Variants in KANSL3 observed in about 807,000 individuals in gnomAD.
The protein encoded by KANSL3 is KAT8 regulatory NSL complex subunit 3, also known as NSL complex protein NSL3.
Under a neutral mutation model 89.2 loss-of-function variants are expected in KANSL3, and 16 were observed. The observed-to-expected ratio is 0.18, with a 90% CI of 0.12 to 0.27. KANSL3 has a LOEUF of 0.27. KANSL3 is among the 10% of genes least tolerant of loss of function. The pLI is 1.00. For missense variants in KANSL3, 879 were observed against 1,110.6 expected (o/e 0.79, Z 2.96); for synonymous variants, 385 against 419.7 (o/e 0.92, Z 1.01).
chr2:96,624,571 G>C lies in KANSL3; in HGVS notation c.387-4809C>G, dbSNP rs143716948. ...CAGTCTTGCTCTGTCGTCCAGGCTG[G>C]AGCGCAATGGCGTGATCTCGGCTCA... is the stretch of plus-strand genomic sequence containing the variant. On this transcript the variant is annotated intron_variant, in intron 3 of 20. Coordinates refer to ENST00000431828, the MANE Select transcript of KANSL3 (RefSeq NM_001115016.3). 1.2e-4 allele frequency among the ~76,000 whole-genome samples: 18 copies of C among 152,226 alleles called. No homozygotes were observed. The East Asian group carries it at 3.3e-3, about 28-fold the overall frequency.
Position 96,617,510 on chromosome 2 carries a change from C to G in KANSL3, c.663+1849G>C, listed in dbSNP as rs1347636219. ...GGGAACGTGTTGGCCAGGCAACTTA[C>G]AGCAGCAAGATGAGCCAGCTTCCTG... On this transcript the variant is annotated intron_variant, in intron 5 of 20. Transcript: ENST00000431828. 2.0e-5 allele frequency among the ~76,000 whole-genome samples: 3 copies of G among 148,560 alleles called. No individual in the cohort carries two copies. The East Asian group carries it at 5.9e-4, about 29-fold the overall frequency.
At chr2:96,611,903 ATGTGTG>A (rs59217274) in intron 9 of KANSL3, among the ~76,000 whole-genome samples, 13 of 113,328 alleles carry the variant, frequency 1.1e-4, no homozygotes, top group South Asian at 3.5e-4. Context: ...ATATACCCAT[ATGTGTG>A]TGTGTGTGTG....
downstream of KANSL3, among the ~76,000 whole-genome samples, chr2:96,590,439 C>T (rs1035210824): frequency 6.6e-6 from 1 of 151,738 alleles, no homozygotes; most frequent in Non-Finnish European, 1.5e-5. Context: ...ACTACAGGTG[C>T]GCGGCATGAC....
Position 96,608,557 on chromosome 2 carries a change from C to T in KANSL3, c.1692G>A (p.Lys564=). 6.2e-7 allele frequency: 1 copy of T among 1,614,066 alleles called. No homozygotes were observed. Among genetic ancestry groups the T allele is most frequent in the Non-Finnish European group, 8.5e-7 (1 of 1,179,908 alleles). The change falls in exon 14 of 21, where the codon AAG becomes AAA. Residue 564 remains lysine (K), a synonymous_variant. Coordinates refer to ENST00000431828, the MANE Select transcript of KANSL3 (RefSeq NM_001115016.3). ...CAGCTTCTGTCCGCTGCACATGTCT[C>T]TTCAGCAGCTGAGAACTTCCAATCT... ...SSQIGSSQLL[K]RHVQRTEAVL...
rs1379900654 is a variant in KANSL3, at chr2:96,595,534, G to A, written c.*77C>T. Reference sequence around the variant, plus strand: ...CTTCCGACACGTGGACAGCTCAGCAGGACCACACACCTGTCCAGGGCCCAC... The same window carrying A: ...CTTCCGACACGTGGACAGCTCAGCAAGACCACACACCTGTCCAGGGCCCAC... On this transcript the variant is annotated 3_prime_UTR_variant, in exon 21 of 21. Coordinates refer to ENST00000431828, the MANE Select transcript of KANSL3 (RefSeq NM_001115016.3). 3.9e-6 allele frequency: 6 copies of A among 1,530,502 alleles called. No individual in the cohort carries two copies. Among genetic ancestry groups the A allele is most frequent in the East Asian group, 2.3e-5 (1 of 44,256 alleles). 94.8% of individuals were successfully genotyped at this position (1,530,502 alleles called of 1,614,324 possible).
chr2:96,635,031 ATT>A (rs2074051874), intron 2 of KANSL3, among the ~76,000 whole-genome samples: 1 of 152,032 alleles, frequency 6.6e-6, no homozygotes, highest in Admixed American at 6.6e-5. Flanking sequence ...AGTCATCTAT[ATT>A]TCTCCATTTG....
At chr2:96,583,227 G>C in the KANSL3 span, among the ~76,000 whole-genome samples, 2 of 152,202 alleles carry the variant, frequency 1.3e-5, no homozygotes, top group Admixed American at 1.3e-4. Flanking sequence ...CTCTCCAGCA[G>C]CTTATGGGAA....
chr2:96,630,661 G>A (rs2073222241), intron 3 of KANSL3, among the ~76,000 whole-genome samples: 1 of 152,154 alleles, frequency 6.6e-6, no homozygotes, highest in African/African-American at 2.4e-5. Flanking sequence ...TTAAATAGCT[G>A]AATTGTATGG....
chr2:96,635,812 G>A (rs531824484), intron 2 of KANSL3, among the ~76,000 whole-genome samples: 1 of 152,072 alleles, frequency 6.6e-6, no homozygotes, highest in Non-Finnish European at 1.5e-5. Context: ...AACATGGTGG[G>A]TGGAAACCCT....
intron 14 of KANSL3, chr2:96,606,738 A>C: frequency 3.6e-6 from 1 of 280,796 alleles, no homozygotes; most frequent in South Asian, 3.1e-5. Context: ...AGAAAGAACC[A>C]CACTAAGAGA....
chr2:96,590,110 T>C (rs1573220871), downstream of KANSL3, among the ~76,000 whole-genome samples: 1 of 152,004 alleles, frequency 6.6e-6, no homozygotes, highest in Non-Finnish European at 1.5e-5. Flanking sequence ...TGAGCCAAGA[T>C]TGCGCATTGC....
chr2:96,588,747 C>T (rs375174102), downstream of KANSL3, among the ~76,000 whole-genome samples: 20 of 152,196 alleles, frequency 1.3e-4, no homozygotes, highest in South Asian at 4.1e-3. Context: ...CCCACCACCA[C>T]ACCCAGCTAA....
chr2:96,587,760 A>T, the KANSL3 span, among the ~76,000 whole-genome samples: 1 of 152,244 alleles, frequency 6.6e-6, no homozygotes, highest in Non-Finnish European at 1.5e-5. Context: ...AAAATGCTGC[A>T]ATGAGCAATA....
At chr2:96,624,248 A>C (rs1480996417) in intron 3 of KANSL3, among the ~76,000 whole-genome samples, 1 of 152,236 alleles carries the variant, frequency 6.6e-6, no homozygotes, top group Non-Finnish European at 1.5e-5. Flanking sequence ...TCACAAGAGT[A>C]GTAGCTCTCT....
chr2:96,616,536 C>T (rs1383529738), intron 5 of KANSL3, among the ~76,000 whole-genome samples: 1 of 152,202 alleles, frequency 6.6e-6, no homozygotes, highest in Non-Finnish European at 1.5e-5. Flanking sequence ...ATGATCCCAT[C>T]CACCTGCGCT....
intron 2 of KANSL3, among the ~76,000 whole-genome samples, chr2:96,634,976 C>G (rs1392237409): frequency 6.6e-6 from 1 of 152,216 alleles, no homozygotes; most frequent in African/African-American, 2.4e-5. Context: ...TTCACCATAG[C>G]AGATCCTATT....
Position 96,598,908 on chromosome 2 carries a change from CAAAAAAAAAAAAA to C in KANSL3, c.2616+2722_2616+2734del, listed in dbSNP as rs10551331. ...CTGGGTGACAAGAGTGAGACTGTCT[CAAAAAAAAAAAAA>C]AAAAAAAAAAAAAAGGAAATGTTTA... On this transcript the variant is annotated intron_variant, in intron 20 of 20. Transcript: ENST00000431828. Among the ~76,000 whole-genome samples the C allele has an allele frequency of 1.1e-4, 5 of 44,972 alleles. No individual in the cohort carries two copies. In the East Asian group the frequency reaches 2.6e-3, roughly 23 times the overall value. 29.5% of individuals were successfully genotyped at this position (44,972 alleles called of 152,430 possible).
At chr2:96,626,578 T>C (rs2072369117) in intron 3 of KANSL3, among the ~76,000 whole-genome samples, 1 of 152,180 alleles carries the variant, frequency 6.6e-6, no homozygotes, top group Non-Finnish European at 1.5e-5. Context: ...TTCACTAAAA[T>C]GTTGGAAATG....
At chr2:96,615,641 G>A in intron 5 of KANSL3, 1 of 477,300 alleles carries the variant, frequency 2.1e-6, no homozygotes, top group Non-Finnish European at 3.6e-6. Context: ...ACGGTTTGAT[G>A]CAAGTTGTAA....
Sources: gnomAD v4.1 joint callset for allele counts (sites outside exome capture counted in the v4.1 genomes callset) on GRCh38, gnomAD v4.1.1 for gene constraint, MANE v1.5 for transcripts, NCBI Gene and HGNC (gene_info 2026-07-23, HGNC 2026-07-21) for gene names.